Variants in LMF1 observed in about 807,000 individuals in gnomAD.
LMF1 encodes the protein transmembrane protein 112.
Under a neutral mutation model 60.6 loss-of-function variants are expected in LMF1, and 68 were observed. The observed-to-expected ratio is 1.12, with a 90% CI of 0.92 to 1.37. LMF1 has a LOEUF of 1.37. Among genes scored for constraint, LMF1 ranks in the 40% most tolerant of loss-of-function variants. LMF1 has a pLI of 0.00. For missense variants in LMF1, 948 were observed against 767.2 expected (o/e 1.24, Z -2.78); for synonymous variants, 418 against 324.7 (o/e 1.29, Z -3.09).
chr16:904,502 C>T (rs1596960757), intron 4 of LMF1, among the ~76,000 whole-genome samples: 1 of 91,204 alleles, frequency 1.1e-5, no homozygotes, highest in South Asian at 5.9e-4. Context: ...CACAGGACGC[C>T]TGTCTCTGCT....
At chr16:928,248 G>C (rs1290371035) in intron 3 of LMF1, among the ~76,000 whole-genome samples, 3 of 152,306 alleles carry the variant, frequency 2.0e-5, no homozygotes, top group South Asian at 2.1e-4. Context: ...TCCAATCCCA[G>C]TGAGACCCAG....
In LMF1 at chr16:862,441, G is replaced by A. The variant is rs180853053; in HGVS notation, c.1529+6503C>T. 1.4e-4 allele frequency among the ~76,000 whole-genome samples: 21 copies of A among 152,276 alleles called. No homozygotes were observed. In the East Asian group the frequency reaches 1.9e-3, roughly 14 times the overall value. ...TTACAAGTGTGAGCCATTGTGCCCA[G>A]TCTATTTAGTAATATTTTGTTAAAA... On this transcript the variant is annotated intron_variant, in intron 10 of 10. Transcript: ENST00000262301.
At chr16:954,062 G>GCTTCCTACATGTCC (rs1567312834) in intron 2 of LMF1, among the ~76,000 whole-genome samples, 1 of 110,746 alleles carries the variant, frequency 9.0e-6, no homozygotes, top group African/African-American at 4.1e-5. Flanking sequence ...CACAGACACA[G>GCTTCCTACATGTCC]ACCCACTGCT....
intron 4 of LMF1, among the ~76,000 whole-genome samples, chr16:895,328 C>T (rs1240842484): frequency 6.6e-6 from 1 of 152,228 alleles, no homozygotes; most frequent in Non-Finnish European, 1.5e-5. Context: ...CCATCACGGG[C>T]TGTAGCCACG....
In LMF1 at chr16:978,761, G is replaced by C. The variant is rs557880958; in HGVS notation, c.-135+2384C>G. Among the ~76,000 whole-genome samples, 38 of 152,210 alleles carry C rather than the reference G, an allele frequency of 2.5e-4. 1 individual carries two copies. The East Asian group carries it at 7.4e-3, about 29-fold the overall frequency. The stretch of plus-strand genomic sequence containing the variant: ...GGCAGGGATGGGAGACAGGGGAGGA[G>C]GGTGTGTGTGCAGCTCCCCCCTGGA... On this transcript the variant is annotated intron_variant, in intron 1 of 6. Coordinates refer to the LMF1 transcript ENST00000570014.
chr16:925,781 G>A (rs1229306519), intron 3 of LMF1, among the ~76,000 whole-genome samples: 1 of 152,224 alleles, frequency 6.6e-6, no homozygotes, highest in African/African-American at 2.4e-5. Context: ...GTTCAACTTA[G>A]TAATTTTCAC....
chr16:879,187 G>T (rs1439777598), intron 6 of LMF1, among the ~76,000 whole-genome samples: 1 of 152,134 alleles, frequency 6.6e-6, no homozygotes, highest in Non-Finnish European at 1.5e-5. Context: ...GGACTGACAT[G>T]AACACTTGAA....
chr16:971,591 A>G (rs1186966936), upstream of LMF1, among the ~76,000 whole-genome samples: 2 of 152,132 alleles, frequency 1.3e-5, no homozygotes, highest in African/African-American at 4.8e-5. Flanking sequence ...ACTGGACTTC[A>G]AGCTGTGGGG....
chr16:933,927 C>T (rs1446945462), intron 3 of LMF1: 23 of 1,341,490 alleles, frequency 1.7e-5, no homozygotes, highest in South Asian at 1.6e-4. Context: ...CAGCCTTGAG[C>T]GTCCACGGGG....
At chr16:857,114 G>C (rs974908358) in intron 10 of LMF1, among the ~76,000 whole-genome samples, 1 of 152,246 alleles carries the variant, frequency 6.6e-6, no homozygotes, top group African/African-American at 2.4e-5. Context: ...CCTCCTCGTC[G>C]CTGACCGGCG....
In LMF1 at chr16:897,841, T is replaced by C. The variant is rs1567203294; in HGVS notation, c.664-4769A>G. 6.6e-6 allele frequency among the ~76,000 whole-genome samples: 1 copy of C among 152,186 alleles called. No individual in the cohort carries two copies. Among genetic ancestry groups the C allele is most frequent in the African/African-American group, 2.4e-5 (1 of 41,446 alleles). ...CCGTGGCTTTCCTGTCTTCCTGGGA[T>C]GGTTTCCGCACTTTCTTGCCCTCAT... On this transcript the variant is annotated intron_variant, in intron 4 of 10. Transcript: ENST00000262301. The surrounding 1 kb of genome is among the most constrained non-coding windows in gnomAD (Gnocchi z 4.3).
intron 10 of LMF1, among the ~76,000 whole-genome samples, chr16:867,947 T>C (rs2069659889): frequency 6.6e-6 from 1 of 152,118 alleles, no homozygotes; most frequent in African/African-American, 2.4e-5. Context: ...CAGGCAGCTG[T>C]GAGCAACTCC....
At chr16:911,533 TG>T (rs1399767730) in intron 3 of LMF1, among the ~76,000 whole-genome samples, 2 of 94,650 alleles carry the variant, frequency 2.1e-5, no homozygotes, top group South Asian at 3.8e-4. Context: ...GAGGCAGCAC[TG>T]GGGGGGCAGC....
rs2072843123 is a variant in LMF1, at chr16:962,953, G to A, written c.193+7835C>T. On this transcript the variant is annotated intron_variant, in intron 1 of 10. Transcript: ENST00000262301. The surrounding 1 kb of genome is among the most constrained non-coding windows in gnomAD (Gnocchi z 4.5). ...CACAGGCAGAGCACCGCAGGGCCCT[G>A]GGCGACGAAAGGGTCAGGGCTGGTG... 6.6e-6 allele frequency among the ~76,000 whole-genome samples: 1 copy of A among 152,192 alleles called. No individual in the cohort carries two copies. The highest frequency in any genetic ancestry group is 2.1e-4 in the South Asian group (1 of 4,822).
intron 10 of LMF1, among the ~76,000 whole-genome samples, chr16:867,446 T>A (rs1567147966): frequency 6.6e-6 from 1 of 152,128 alleles, no homozygotes; most frequent in Non-Finnish European, 1.5e-5. Flanking sequence ...GGCTGCGATC[T>A]GGGGTGGGGG....
At position 954,584 on chromosome 16, in the gene LMF1, C is replaced by T. The variant is rs1227371640; in HGVS notation, c.276G>A (p.Lys92=). The change falls in exon 2 of 11, where the codon AAG becomes AAA. Residue 92 remains lysine (K), a synonymous_variant. Coordinates refer to ENST00000262301, the MANE Select transcript of LMF1 (RefSeq NM_022773.4). ...TGTCCTGGAAGTACTGCTGGAAGTTCTTCAGGAACACTCTGCAGGGAAGCA... is the reference window on the plus strand; with the variant it reads ...TGTCCTGGAAGTACTGCTGGAAGTTTTTCAGGAACACTCTGCAGGGAAGCA... ...RGLLPCRVFL[K]NFQQYFQDRT... The T allele has an allele frequency of 7.4e-6, 12 of 1,613,152 alleles. No homozygotes were observed. The highest frequency in any genetic ancestry group is 1.0e-5 in the Non-Finnish European group (12 of 1,179,724).
At chr16:888,682 G>A (rs760135619) in intron 5 of LMF1, among the ~76,000 whole-genome samples, 3 of 152,216 alleles carry the variant, frequency 2.0e-5, no homozygotes, top group Non-Finnish European at 4.4e-5. Context: ...GACGGCGCCC[G>A]TCCCTGGTCG....
chr16:879,108 TG>T (rs1271244527), intron 6 of LMF1, among the ~76,000 whole-genome samples: 1 of 151,884 alleles, frequency 6.6e-6, no homozygotes, highest in Non-Finnish European at 1.5e-5. Context: ...TTCCGGGGGC[TG>T]GGGGAGGCAG....
chr16:915,049 G>A (rs1316391236), intron 3 of LMF1, among the ~76,000 whole-genome samples: 1 of 152,262 alleles, frequency 6.6e-6, no homozygotes, highest in East Asian at 1.9e-4. Context: ...AGGCCTGAGG[G>A]CTTGTAGGGT....
Sources: gnomAD v4.1 joint callset for allele counts (sites outside exome capture counted in the v4.1 genomes callset) on GRCh38, gnomAD v4.1.1 for gene constraint, Gnocchi (gnomAD v3.1) non-coding constraint, MANE v1.5 for transcripts, NCBI Gene and HGNC (gene_info 2026-07-23, HGNC 2026-07-21) for gene names.